The following MAP3K19 variants were observed in gnomAD, a reference collection of about 807,000 sequenced individuals.
MAP3K19 encodes mitogen-activated protein kinase kinase kinase 19, also known as SPS1/STE20-related protein kinase YSK4.
MAP3K19 carries 91 observed loss-of-function variants against 114.4 expected under a neutral mutation model. The observed-to-expected ratio is 0.80, with a 90% CI of 0.67 to 0.95. The LOEUF is 0.95. Ranked by LOEUF, MAP3K19 falls within the 40% of genes least tolerant of loss-of-function variation. The probability of loss-of-function intolerance (pLI) is 0.00; values close to 1 mark genes in which losing one functional copy is unlikely to be tolerated. For synonymous variants in MAP3K19, 518 were observed against 530.5 expected, an observed-to-expected ratio of 0.98 and a Z score of 0.32; for missense variants, 1,471 against 1,573.2, an observed-to-expected ratio of 0.94 and a Z score of 1.10.
Position 135,012,686 on chromosome 2 carries a change from CAT to C in MAP3K19, c.139-7157_139-7156del, listed in dbSNP as rs1241130762. Among the ~76,000 whole-genome samples, 3 of 152,178 alleles carry C rather than the reference CAT, an allele frequency of 2.0e-5. No homozygotes were observed. The East Asian group carries it at 5.8e-4, about 29-fold the overall frequency. ...TTTGGTATTTTCTTCCGTATTTCTG[CAT>C]AGTTATCATGCTGTCTCTTGATTCA... On this transcript the variant is annotated intron_variant, in intron 5 of 12. Coordinates refer to ENST00000392915, the MANE Select transcript of MAP3K19 (RefSeq NM_025052.5).
chr2:134,987,249 C>T lies in MAP3K19; in HGVS notation c.1623G>A (p.Lys541=), dbSNP rs781119531. 8 of 1,613,978 alleles carry T rather than the reference C, an allele frequency of 5.0e-6. No homozygotes were observed. Among genetic ancestry groups the T allele is most frequent in the South Asian group, 2.2e-5 (2 of 91,074 alleles). The change falls in exon 10 of 13, where the codon AAG becomes AAA. Residue 541 remains lysine (K), a synonymous_variant. Coordinates refer to ENST00000392915, the MANE Select transcript of MAP3K19 (RefSeq NM_025052.5). The part of the protein sequence containing the change: ...MNSHRSKLDS[K]TKTSKKTPQN... ...GAGGTGTCTTCTTACTTGTCTTGGT[C>T]TTTGAATCCAACTTACTCCTATGGG...
chr2:134,996,271 C>CTTTTTTT (rs61265758), intron 8 of MAP3K19, among the ~76,000 whole-genome samples: 60 of 125,666 alleles, frequency 4.8e-4, no homozygotes, highest in Non-Finnish European at 7.8e-4. Context: ...CTTCTTATTT[C>CTTTTTTT]TTTTTTTTTT....
At chr2:135,001,663 G>C (rs1412001584) in intron 6 of MAP3K19, among the ~76,000 whole-genome samples, 2 of 152,210 alleles carry the variant, frequency 1.3e-5, no homozygotes, top group Admixed American at 1.3e-4. Context: ...TCAGTGAAAA[G>C]GATGTTCTGG....
rs747735718 is a variant in MAP3K19 at position 134,986,890 on chromosome 2, C to T, written c.1982G>A (p.Gly661Glu). Residue 661 changes from glycine (G) to glutamate (E), a missense_variant, in exon 10 of 13, where the codon GGA becomes GAA. By Grantham distance (98) the Gly-to-Glu change is moderately conservative. Transcript: ENST00000392915. ...KEINSTANGP[G>E]IYEMFGTPVY... is the part of the protein sequence containing the mutation. ...AGGGGTCCCAAACATTTCATAGATT[C>T]CAGGTCCATTAGCAGTTGAATTGAT... 6.2e-7 allele frequency: 1 copy of T among 1,614,142 alleles called. No individual in the cohort carries two copies. The highest frequency in any genetic ancestry group is 1.1e-5 in the South Asian group (1 of 91,062).
chr2:134,988,327 T>G (rs556835547), intron 9 of MAP3K19, 74 bp from the exon 10 acceptor site: 3 of 1,258,470 alleles, frequency 2.4e-6, no homozygotes, highest in Middle Eastern at 2.0e-4. Flanking sequence ...TAAAGTAGTC[T>G]AAAGAGATTA....
At chr2:134,978,489 C>T (rs1684403775) in intron 12 of MAP3K19, among the ~76,000 whole-genome samples, 1 of 152,184 alleles carries the variant, frequency 6.6e-6, no homozygotes, top group Non-Finnish European at 1.5e-5. Context: ...GCATGAGCCA[C>T]TGCACCTGGC....
intron 4 of MAP3K19, chr2:135,023,630 A>G: frequency 2.1e-6 from 1 of 484,108 alleles, no homozygotes; most frequent in Non-Finnish European, 4.3e-6. Flanking sequence ...TCCGCTGTCA[A>G]CATCACATCT....
At chr2:135,037,055 G>A (rs1243883883) in intron 2 of MAP3K19, among the ~76,000 whole-genome samples, 3 of 151,784 alleles carry the variant, frequency 2.0e-5, no homozygotes, top group Non-Finnish European at 4.4e-5. Context: ...GGAGTGCAGT[G>A]GCACTATCTT....
At chr2:135,009,523 A>G (rs1687069118) in intron 5 of MAP3K19, among the ~76,000 whole-genome samples, 1 of 152,154 alleles carries the variant, frequency 6.6e-6, no homozygotes, top group Admixed American at 6.5e-5. Flanking sequence ...GAGCTTTGAG[A>G]AAACAGCAGC....
At chr2:134,967,663 C>T (rs1160754822) in intron 12 of MAP3K19, among the ~76,000 whole-genome samples, 6 of 152,158 alleles carry the variant, frequency 3.9e-5, no homozygotes, top group Non-Finnish European at 5.9e-5. Context: ...CTCACATGTT[C>T]GTTGCTGACT....
chr2:134,979,388 C>T lies in MAP3K19; in HGVS notation c.3920+1433G>A, dbSNP rs554222929. On this transcript the variant is annotated intron_variant, in intron 12 of 12. Transcript: ENST00000392915. ...GTATATTGCTTAGTTTATGAAGCAA[C>T]GGTTCAAAAGGAGAGCCATAAAAGA... 1.7e-4 allele frequency among the ~76,000 whole-genome samples: 26 copies of T among 151,730 alleles called. 1 individual carries two copies. Among genetic ancestry groups the T allele is most frequent in the Non-Finnish European group, 1.5e-4 (10 of 67,990 alleles).
intron 12 of MAP3K19, among the ~76,000 whole-genome samples, chr2:134,966,799 G>A (rs565171714): frequency 4.5e-4 from 69 of 152,276 alleles, no homozygotes; most frequent in African/African-American, 1.6e-3. Flanking sequence ...CCTCGAGGAC[G>A]GAGTCTGAGC....
intron 4 of MAP3K19, among the ~76,000 whole-genome samples, chr2:135,022,926 C>G (rs1688079111): frequency 6.6e-6 from 1 of 152,148 alleles, no homozygotes; most frequent in African/African-American, 2.4e-5. Context: ...ATTAAATGGA[C>G]AGAGTTCCTA....
intron 12 of MAP3K19, among the ~76,000 whole-genome samples, chr2:134,967,981 G>A (rs1683500217): frequency 6.6e-6 from 1 of 151,996 alleles, no homozygotes; most frequent in South Asian, 2.1e-4. Flanking sequence ...AAGGTCTCTG[G>A]TTTTCCTAGG....
chr2:134,988,224 G>A lies in MAP3K19; in HGVS notation c.648C>T (p.Pro216=), dbSNP rs1406944098. Residue 216 remains proline, a synonymous_variant, in exon 10 of 13, where the codon CCC becomes CCT. Transcript: ENST00000392915. ...GGATAGTAAGGACACCAGATCGCGT[G>A]GGCAAGAGTGACAGTGGTGGCAGAA... ...KFLLPPLSLL[P]TRSGVLTIPQ... is the part of the protein sequence containing the mutation. 4.4e-6 allele frequency: 7 copies of A among 1,584,470 alleles called. No individual in the cohort carries two copies. Among genetic ancestry groups the A allele is most frequent in the Non-Finnish European group, 6.0e-6 (7 of 1,168,362 alleles).
intron 5 of MAP3K19, among the ~76,000 whole-genome samples, chr2:135,014,144 G>A (rs1333217270): frequency 1.3e-5 from 2 of 152,156 alleles, no homozygotes; most frequent in Admixed American, 1.3e-4. Context: ...CTTCAGGCCA[G>A]GAGTTCGAGA....
intron 3 of MAP3K19, 41 bp downstream of exon 3, chr2:135,030,271 T>A (rs973164265): frequency 1.3e-5 from 2 of 152,652 alleles, no homozygotes; most frequent in Non-Finnish European, 2.9e-5. Context: ...CTTTTCACCA[T>A]CCACTCACCC....
intron 12 of MAP3K19, among the ~76,000 whole-genome samples, chr2:134,979,529 C>G (rs1184997285): frequency 2.7e-5 from 4 of 150,358 alleles, no homozygotes; most frequent in Non-Finnish European, 5.9e-5. Flanking sequence ...AGCTGTGAGT[C>G]AATAATATAG....
At chr2:134,977,185 C>CTTTT (rs113967823) in intron 12 of MAP3K19, among the ~76,000 whole-genome samples, 1 of 141,688 alleles carries the variant, frequency 7.1e-6, no homozygotes, top group East Asian at 2.0e-4. Context: ...CCCCCACCCA[C>CTTTT]TTTTTTTTTT....
Sources: allele counts gnomAD v4.1 joint callset (sites outside exome capture counted in the v4.1 genomes callset), GRCh38; gene constraint gnomAD v4.1.1; transcripts MANE v1.5; gene names NCBI Gene and HGNC (gene_info 2026-07-23, HGNC 2026-07-21).